The following CDKL5 variants were observed in gnomAD, a reference collection of about 807,000 sequenced individuals.
CDKL5 encodes cyclin-dependent kinase-like 5.
In CDKL5, 8 loss-of-function variants were observed where a neutral mutation model predicts 61.7. That is an observed-to-expected ratio of 0.13 (90% CI 0.08 to 0.23). The LOEUF is 0.23. CDKL5 is among the 10% of genes least tolerant of loss of function. The probability of loss-of-function intolerance (pLI) is 1.00; values close to 1 mark genes in which losing one functional copy is unlikely to be tolerated. For missense variants in CDKL5, 440 were observed against 734.5 expected, an observed-to-expected ratio of 0.60 and a Z score of 4.63; for synonymous variants, 275 against 272.3, an observed-to-expected ratio of 1.01 and a Z score of -0.10.
At chrX:18,549,414 T>A (rs1924308718) in intron 3 of CDKL5, among the ~76,000 whole-genome samples, 1 of 112,508 alleles carries the variant, frequency 8.9e-6, no homozygotes, top group Non-Finnish European at 1.9e-5. Flanking sequence ...GGACCATGCA[T>A]TTTTATGCTG....
chrX:18,454,536 A>G (rs904538844), intron 1 of CDKL5, among the ~76,000 whole-genome samples: 2 of 107,581 alleles, frequency 1.9e-5, no homozygotes, highest in African/African-American at 6.8e-5. Context: ...TGCCCAGCCT[A>G]AAGCATACTT....
rs904706895 is a variant in CDKL5 at position 18,633,150 on chromosome X, C to T, written c.*4393C>T. ...AGCATTGCTTTTCTATCTAGAAGTT[C>T]GTTACCTCCTGCATGATAGTGGGAT... On this transcript the variant is annotated 3_prime_UTR_variant, in exon 18 of 18. Coordinates refer to ENST00000623535, the MANE Select transcript of CDKL5 (RefSeq NM_001323289.2). 49 of 751,770 alleles carry T rather than the reference C, an allele frequency of 6.5e-5. No individual in the cohort carries two copies. The highest frequency in any genetic ancestry group is 9.3e-5 in the African/African-American group (4 of 43,062). The allele number at this position is 751,770 out of a possible 1,213,427, so 62.0% of individuals were successfully genotyped here.
In CDKL5 at chrX:18,539,933, T is replaced by C. The variant is rs748793533; in HGVS notation, c.100-24544T>C. The stretch of plus-strand genomic sequence containing the variant: ...TACTCTCCTTTAGACCCTTTTGCCC[T>C]CCCCACTTAAAAAATATATATGTCT... On this transcript the variant is annotated intron_variant, in intron 3 of 17. Coordinates refer to ENST00000623535, the MANE Select transcript of CDKL5 (RefSeq NM_001323289.2). 1.9e-3 allele frequency among the ~76,000 whole-genome samples: 215 copies of C among 111,658 alleles called. 1 individual carries two copies. The highest frequency in any genetic ancestry group is 2.9e-3 in the Non-Finnish European group (156 of 53,086).
At chrX:18,445,076 C>CT (rs1187295211) in intron 1 of CDKL5, among the ~76,000 whole-genome samples, 4,031 of 91,060 alleles carry the variant, frequency 0.044, 230 homozygotes, top group East Asian at 0.17. Flanking sequence ...GTTTGGGTCA[C>CT]TTTTTTTTTT....
intron 1 of CDKL5, among the ~76,000 whole-genome samples, chrX:18,488,484 C>G (rs1181413087): frequency 1.8e-5 from 2 of 111,555 alleles, no homozygotes; most frequent in Non-Finnish European, 1.9e-5. Context: ...GCAGAACCTC[C>G]TAGATAGCTT....
At chrX:18,644,257 G>A (rs961870063), downstream of CDKL5, among the ~76,000 whole-genome samples, 1 of 111,744 alleles carries the variant, frequency 8.9e-6, no homozygotes, top group African/African-American at 3.3e-5. Context: ...ACTGTGCTGG[G>A]CACCAAAGCA....
chrX:18,641,959 C>T (rs1044165092), downstream of CDKL5: 17 of 1,204,572 alleles, frequency 1.4e-5, no homozygotes, highest in Admixed American at 2.0e-4. Context: ...CTACGGCCCG[C>T]TCTGTGCCAG....
chrX:18,518,388 A>ATTTTTTT lies in CDKL5; in HGVS notation c.99+7563_99+7569dup, dbSNP rs779361711. On this transcript the variant is annotated intron_variant, in intron 3 of 17. Coordinates refer to ENST00000623535, the MANE Select transcript of CDKL5 (RefSeq NM_001323289.2). ...AAGTCATGTTTTCTTTTCTTTTCTT[A>ATTTTTTT]TTTTTTTTTTTTTTTTTTTTTTTTT... Among the ~76,000 whole-genome samples, 176 of 21,196 alleles carry ATTTTTTT rather than the reference A, an allele frequency of 8.3e-3. 21 individuals carry two copies. The highest frequency in any genetic ancestry group is 0.012 in the Non-Finnish European group (138 of 11,628). 18.4% of individuals were successfully genotyped at this position (21,196 alleles called of 115,157 possible).
rs145041367 is a variant in CDKL5 at position 18,617,840 on chromosome X, A to G, written c.2277-2027A>G. Among the ~76,000 whole-genome samples the G allele has an allele frequency of 4.5e-3, 497 of 111,103 alleles. 4 individuals are homozygous for G. The highest frequency in any genetic ancestry group is 0.015 in the African/African-American group (448 of 30,492). On this transcript the variant is annotated intron_variant, in intron 15 of 17. Coordinates refer to ENST00000623535, the MANE Select transcript of CDKL5 (RefSeq NM_001323289.2). The stretch of plus-strand genomic sequence containing the variant: ...TTGAAAATGTCCCAATCATTCCTCT[A>G]TCCCCACCTGGGCTGTGGTTTATCC...
chrX:18,553,324 T>C (rs991732521), intron 3 of CDKL5, among the ~76,000 whole-genome samples: 2 of 111,579 alleles, frequency 1.8e-5, no homozygotes, highest in African/African-American at 6.5e-5. Context: ...ATTTTACATC[T>C]CAATAAAAGA....
intron 1 of CDKL5, among the ~76,000 whole-genome samples, chrX:18,466,357 A>C (rs898533765): frequency 8.9e-6 from 1 of 112,254 alleles, no homozygotes; most frequent in Non-Finnish European, 1.9e-5. Context: ...ATGGATTTAT[A>C]AGCAAATCTT....
At chrX:18,539,723 G>C (rs1235026888) in intron 3 of CDKL5, among the ~76,000 whole-genome samples, 4 of 111,493 alleles carry the variant, frequency 3.6e-5, no homozygotes, top group African/African-American at 1.3e-4. Context: ...ATGAGACCCT[G>C]TTGGGTTTCA....
Position 18,604,278 on chromosome X carries a change from C to G in CDKL5, c.1354C>G (p.Gln452Glu). Residue 452 changes from glutamine (Q) to glutamate (E), a missense_variant, in exon 12 of 18, where the codon CAA (glutamine) becomes GAA (glutamate). Coordinates refer to ENST00000623535, the MANE Select transcript of CDKL5 (RefSeq NM_001323289.2). The part of the protein sequence containing the change: ...QNRHSFMESS[Q>E]SKAGTLQPNE... ...CCGCCACTCATTCATGGAAAGCTCT[C>G]AAAGCAAAGCTGGGACACTGCAGCC... is the stretch of plus-strand genomic sequence containing the variant. 8.3e-7 allele frequency: 1 copy of G among 1,211,857 alleles called. No homozygotes were observed. Among genetic ancestry groups the G allele is most frequent in the Non-Finnish European group, 1.1e-6 (1 of 895,517 alleles).
chrX:18,500,685 A>C (rs755999606), intron 1 of CDKL5, among the ~76,000 whole-genome samples: 16 of 111,440 alleles, frequency 1.4e-4, no homozygotes, highest in Middle Eastern at 9.3e-3. Flanking sequence ...AAAACGTTTT[A>C]GTTTTTATGC....
rs61752061 is a variant in CDKL5, at chrX:18,647,250, A to G, written c.2797+1160A>G. 5 of 1,208,352 alleles carry G rather than the reference A, an allele frequency of 4.1e-6. No individual in the cohort carries two copies. Among genetic ancestry groups the G allele is most frequent in the Non-Finnish European group, 4.5e-6 (4 of 894,673 alleles). On this transcript the variant is annotated intron_variant, in intron 20 of 21. Coordinates refer to the CDKL5 transcript ENST00000379989. The stretch of plus-strand genomic sequence containing the variant: ...CAGTCCACGAAGAATACCAGCCCAC[A>G]TACTGCTCCGGGTTAGAGCAGGTGA...
intron 3 of CDKL5, among the ~76,000 whole-genome samples, chrX:18,545,212 G>C (rs941230583): frequency 1.8e-5 from 2 of 110,109 alleles, no homozygotes; most frequent in African/African-American, 6.6e-5. Context: ...CTCCCGCCTG[G>C]GTGACAGAGT....
chrX:18,456,624 G>A (rs1932149396), intron 1 of CDKL5, among the ~76,000 whole-genome samples: 2 of 111,542 alleles, frequency 1.8e-5, no homozygotes. Flanking sequence ...GAATTTGAGA[G>A]GATTTGAGAG....
At chrX:18,596,970 T>C (rs1926015486) in intron 10 of CDKL5, among the ~76,000 whole-genome samples, 1 of 111,929 alleles carries the variant, frequency 8.9e-6, no homozygotes, top group Non-Finnish European at 1.9e-5. Flanking sequence ...ATATTTTTAT[T>C]GACATGTCCT....
At chrX:18,648,940 G>C (rs745527450) in intron 20 of CDKL5, among the ~76,000 whole-genome samples, 2 of 108,634 alleles carry the variant, frequency 1.8e-5, no homozygotes, top group East Asian at 5.8e-4. Flanking sequence ...CCCAGCTACC[G>C]GGGAGGCTGA....
Sources: gnomAD v4.1 joint callset for allele counts (sites outside exome capture counted in the v4.1 genomes callset) on GRCh38, gnomAD v4.1.1 for gene constraint, MANE v1.5 for transcripts, NCBI Gene and HGNC (gene_info 2026-07-23, HGNC 2026-07-21) for gene names.